The following ZNF385D variants were observed in gnomAD, a reference collection of about 807,000 sequenced individuals.
ZNF385D encodes the protein zinc finger protein 385D.
A neutral mutation model predicts 35.8 loss-of-function variants in ZNF385D; 15 were observed. The ratio of observed to expected loss-of-function variants is 0.42; its 90% CI spans 0.28 to 0.64. The LOEUF (loss-of-function observed/expected upper bound fraction) is 0.64, where lower values mean the gene tolerates loss of function less well. Ranked by LOEUF, ZNF385D falls within the 30% of genes least tolerant of loss-of-function variation. The pLI, the probability that ZNF385D is intolerant of heterozygous loss-of-function variation, is 0.23. For synonymous variants in ZNF385D, 212 were observed against 186.8 expected (o/e 1.13, Z -1.10); for missense variants, 474 against 494.6 (o/e 0.96, Z 0.39).
At chr3:22,122,464 T>C (rs1703141512) in intron 3 of ZNF385D, among the ~76,000 whole-genome samples, 1 of 152,186 alleles carries the variant, frequency 6.6e-6, no homozygotes, top group African/African-American at 2.4e-5. Flanking sequence ...ATGAAAAATG[T>C]ATGTATTGAC....
intron 2 of ZNF385D, among the ~76,000 whole-genome samples, chr3:22,188,249 G>C (rs964996596): frequency 1.3e-5 from 2 of 152,140 alleles, no homozygotes; most frequent in African/African-American, 4.8e-5. Flanking sequence ...AGTTTCATAA[G>C]ATACTGCTGG....
intron 3 of ZNF385D, among the ~76,000 whole-genome samples, chr3:22,035,980 T>C (rs899946831): frequency 6.6e-6 from 1 of 151,754 alleles, no homozygotes; most frequent in Non-Finnish European, 1.5e-5. Flanking sequence ...AAAGCAGAAA[T>C]GGAAAATGAA....
rs551001186 is a variant in ZNF385D, at chr3:21,936,478, C to G, written c.325+232339G>C. On this transcript the variant is annotated intron_variant, in intron 3 of 5. Coordinates refer to the ZNF385D transcript ENST00000494108. Reference sequence around the variant, plus strand: ...TTTTCCCTTACTGTTACTAGCCCTACTCTGTGAGATAAACAATTTAAATTG... The same window carrying G: ...TTTTCCCTTACTGTTACTAGCCCTAGTCTGTGAGATAAACAATTTAAATTG... 2.0e-5 allele frequency among the ~76,000 whole-genome samples: 3 copies of G among 152,018 alleles called. No individual in the cohort carries two copies. The East Asian group carries it at 5.8e-4, about 29-fold the overall frequency.
chr3:21,559,507 T>C (rs1224014440), intron 3 of ZNF385D, among the ~76,000 whole-genome samples: 1 of 152,194 alleles, frequency 6.6e-6, no homozygotes. Flanking sequence ...TTCTGGCTTG[T>C]AGGGTTTCTG....
intron 2 of ZNF385D, among the ~76,000 whole-genome samples, chr3:22,277,622 G>C (rs899641527): frequency 3.3e-5 from 5 of 152,036 alleles, no homozygotes; most frequent in Non-Finnish European, 4.4e-5. Context: ...AGGATTCTCA[G>C]TCTCATGAAA....
upstream of ZNF385D, among the ~76,000 whole-genome samples, chr3:21,752,007 A>AT (rs143047740): frequency 2.3e-5 from 2 of 88,584 alleles, no homozygotes; most frequent in East Asian, 4.2e-4. Flanking sequence ...ACACACACCC[A>AT]CCCCCCTCCC....
intron 2 of ZNF385D, among the ~76,000 whole-genome samples, chr3:21,618,252 G>A (rs1049104013): frequency 7.3e-6 from 1 of 137,488 alleles, no homozygotes; most frequent in Non-Finnish European, 1.6e-5. Context: ...TAGAGGCAGA[G>A]GGAGATTTAA....
At position 21,421,393 on chromosome 3, in the gene ZNF385D, G is replaced by C. The variant is rs776898307; in HGVS notation, c.1009C>G (p.Pro337Ala). Residue 337 changes from proline (P) to alanine (A), a missense_variant, in exon 8 of 8, where the codon CCA becomes GCA. Transcript: ENST00000281523. ...PSKPLAPRILPNPLAAAAAAA... is the reference protein window; with the variant it reads ...PSKPLAPRILANPLAAAAAAA... ...GCTGCTGCAGCTGCTAGAGGATTTG[G>C]TAGAATTCGTGGAGCCAATGGCTTT... 5 of 1,613,706 alleles carry C rather than the reference G, an allele frequency of 3.1e-6. No homozygotes were observed. The highest frequency in any genetic ancestry group is 4.2e-6 in the Non-Finnish European group (5 of 1,179,806).
intron 3 of ZNF385D, among the ~76,000 whole-genome samples, chr3:21,879,703 C>T (rs568415380): frequency 7.2e-5 from 11 of 152,100 alleles, no homozygotes; most frequent in Non-Finnish European, 1.2e-4. Context: ...TGTCTCTGAG[C>T]CGCTAGGCGC....
rs148781578 is a variant in ZNF385D at position 21,561,213 on chromosome 3, T to C, written c.276+3361A>G. Among the ~76,000 whole-genome samples the C allele has an allele frequency of 2.2e-3, 328 of 152,280 alleles. 9 individuals are homozygous for C. In the East Asian group the frequency reaches 0.047, roughly 22 times the overall value. ...GTATGAAAAAGAAAACTCCTTCACG[T>C]AGCTTGGTTTCTGTCCAAACAGCCA... On this transcript the variant is annotated intron_variant, in intron 3 of 7. Coordinates refer to ENST00000281523, the MANE Select transcript of ZNF385D (RefSeq NM_024697.3).
chr3:22,181,519 A>AC (rs1347223039), intron 2 of ZNF385D, among the ~76,000 whole-genome samples: 3 of 151,328 alleles, frequency 2.0e-5, no homozygotes, highest in South Asian at 2.1e-4. Context: ...ACACGGTGAA[A>AC]CCCCCTCTCT....
intron 2 of ZNF385D, among the ~76,000 whole-genome samples, chr3:22,264,561 T>C (rs761939721): frequency 6.6e-6 from 1 of 152,000 alleles, no homozygotes; most frequent in African/African-American, 2.4e-5. Flanking sequence ...TCTTTCCACA[T>C]TTTAAATTGA....
chr3:21,979,571 C>G (rs1181660219), intron 3 of ZNF385D: 4 of 152,154 alleles, frequency 2.6e-5, no homozygotes, highest in Non-Finnish European at 4.4e-5. Context: ...GAATAAAACT[C>G]CTGCCTCACT....
At chr3:21,725,771 A>G (rs976394378) in intron 1 of ZNF385D, among the ~76,000 whole-genome samples, 1 of 152,194 alleles carries the variant, frequency 6.6e-6, no homozygotes, top group African/African-American at 2.4e-5. Context: ...AGCTGGTACC[A>G]TTCCTTCTGA....
rs1553622610 is a variant in ZNF385D at position 21,608,023 on chromosome 3, G to GTTTTTTTTTGGTTT, written c.166-43340_166-43339insAAACCAAAAAAAAA. On this transcript the variant is annotated intron_variant, in intron 2 of 7. Coordinates refer to ENST00000281523, the MANE Select transcript of ZNF385D (RefSeq NM_024697.3). ...TAATTCTTTTTCTTCTTTTTTTTTT[G>GTTTTTTTTTGGTTT]TTTTTTTTTTTTGAGTCTTGCTGTC... Among the ~76,000 whole-genome samples, 26 of 120,234 alleles carry GTTTTTTTTTGGTTT rather than the reference G, an allele frequency of 2.2e-4. 1 individual carries two copies. Among genetic ancestry groups the GTTTTTTTTTGGTTT allele is most frequent in the South Asian group, 8.8e-4 (3 of 3,408 alleles). The allele number at this position is 120,234 out of a possible 152,430, so 78.9% of individuals were successfully genotyped here.
At chr3:22,078,899 T>C (rs1319379361) in intron 3 of ZNF385D, among the ~76,000 whole-genome samples, 1 of 152,080 alleles carries the variant, frequency 6.6e-6, no homozygotes, top group Non-Finnish European at 1.5e-5. Context: ...TAATGTTATT[T>C]CTAACAAAGT....
At chr3:22,372,026 G>T (rs1171502785) in intron 2 of ZNF385D, among the ~76,000 whole-genome samples, 2 of 152,178 alleles carry the variant, frequency 1.3e-5, no homozygotes, top group African/African-American at 4.8e-5. Context: ...CGAGGAGGGA[G>T]CACGCCTCGC....
chr3:21,527,473 T>G (rs1195176948), intron 3 of ZNF385D, among the ~76,000 whole-genome samples: 3 of 152,154 alleles, frequency 2.0e-5, no homozygotes, highest in African/African-American at 4.8e-5. Context: ...TCCTAAAATA[T>G]TAATAGAAAG....
At chr3:21,662,473 GT>G (rs1165650478) in intron 2 of ZNF385D, among the ~76,000 whole-genome samples, 1 of 152,150 alleles carries the variant, frequency 6.6e-6, no homozygotes, top group African/African-American at 2.4e-5. Flanking sequence ...ATTTATGGCA[GT>G]AAAAATTACG....
Sources: gnomAD v4.1 joint callset for allele counts (sites outside exome capture counted in the v4.1 genomes callset) on GRCh38, gnomAD v4.1.1 for gene constraint, MANE v1.5 for transcripts, NCBI Gene and HGNC (gene_info 2026-07-23, HGNC 2026-07-21) for gene names.